The following STARD6 variants were observed in gnomAD, a reference collection of about 807,000 sequenced individuals.
The protein encoded by STARD6 is StAR related lipid transfer domain containing 6.
Under a neutral mutation model 22.3 loss-of-function variants are expected in STARD6, and 21 were observed. That is an observed-to-expected ratio of 0.94 (90% confidence interval 0.67 to 1.35). STARD6 has a LOEUF of 1.35. Among genes scored for constraint, STARD6 ranks in the 40% most tolerant of loss-of-function variants. The pLI is 0.00. For missense variants in STARD6, 269 were observed against 266.9 expected, an observed-to-expected ratio of 1.01 and a Z score of -0.05; for synonymous variants, 80 against 88.1, an observed-to-expected ratio of 0.91 and a Z score of 0.52.
chr18:54,344,187 AAAG>A (rs1599306626), intron 4 of STARD6, among the ~76,000 whole-genome samples: 1 of 32,554 alleles, frequency 3.1e-5, no homozygotes, highest in East Asian at 6.4e-4. Context: ...GTCTGTGTAG[AAAG>A]AAGTAGACAT....
chr18:54,332,878 C>A (rs568212802), intron 5 of STARD6, among the ~76,000 whole-genome samples: 3 of 152,028 alleles, frequency 2.0e-5, no homozygotes, highest in Admixed American at 6.5e-5. Flanking sequence ...GCACTCTAGC[C>A]TGGGCAAGAG....
chr18:54,339,069 A>C (rs1032154996), intron 4 of STARD6, among the ~76,000 whole-genome samples: 4 of 148,046 alleles, frequency 2.7e-5, no homozygotes, highest in African/African-American at 9.9e-5. Context: ...AAAAAAAAAA[A>C]AAAAAAAAAA....
chr18:54,348,624 T>G (rs182195993), intron 4 of STARD6, among the ~76,000 whole-genome samples: 1 of 152,184 alleles, frequency 6.6e-6, no homozygotes, highest in African/African-American at 2.4e-5. Flanking sequence ...GTGGGAAATA[T>G]GAGAAATATA....
chr18:54,351,740 T>A (rs935020466), intron 4 of STARD6, among the ~76,000 whole-genome samples: 1 of 152,154 alleles, frequency 6.6e-6, no homozygotes, highest in African/African-American at 2.4e-5. Context: ...ATGTGATCTA[T>A]CACATTTATT....
intron 4 of STARD6, among the ~76,000 whole-genome samples, chr18:54,349,136 A>G (rs919090800): frequency 5.9e-5 from 9 of 152,148 alleles, no homozygotes; most frequent in African/African-American, 9.7e-5. Flanking sequence ...TAAGAAAACA[A>G]AGAAGATAAA....
chr18:54,341,254 T>A (rs1050737317), intron 4 of STARD6, among the ~76,000 whole-genome samples: 1 of 152,098 alleles, frequency 6.6e-6, no homozygotes. Context: ...AGAGACGGGG[T>A]TTCACCGTGT....
intron 2 of STARD6, among the ~76,000 whole-genome samples, chr18:54,355,556 G>C (rs962396784): frequency 2.0e-5 from 3 of 152,152 alleles, no homozygotes; most frequent in African/African-American, 7.2e-5. Context: ...GACACTGCCA[G>C]AAGTTAGCAG....
chr18:54,357,379 G>A lies in STARD6; in HGVS notation c.-89+413C>T, dbSNP rs565521590. On this transcript the variant is annotated intron_variant, in intron 1 of 7. Transcript: ENST00000307844. The stretch of plus-strand genomic sequence containing the variant: ...TTAAATCCCATCCCTGGCTAAACTC[G>A]GGTCTCCAATCTCCCATCTGCTTTG... Among the ~76,000 whole-genome samples, 62 of 152,228 alleles carry A rather than the reference G, an allele frequency of 4.1e-4. No individual in the cohort carries two copies. In the South Asian group the frequency reaches 5.0e-3, roughly 12 times the overall value.
Position 54,324,709 on chromosome 18 carries a change from G to T in STARD6, c.646C>A (p.His216Asn), listed in dbSNP as rs1171365359. 4 of 1,613,096 alleles carry T rather than the reference G, an allele frequency of 2.5e-6. No individual in the cohort carries two copies. Among genetic ancestry groups the T allele is most frequent in the Non-Finnish European group, 3.4e-6 (4 of 1,179,584 alleles). ...TTTTGGTATCATGAATGACTATTAT[G>T]ATGAAATCCACGTCTTGATGGAGTT... ...HRTPSRRGFH[H>N]NSHS Residue 216 changes from histidine (H) to asparagine (N), a missense_variant, in exon 8 of 8, where the codon CAT (histidine) becomes AAT (asparagine). By Grantham distance (68) the His-to-Asn change is moderately conservative (BLOSUM62 1). Transcript: ENST00000307844.
chr18:54,341,056 ATTTTCTT>A (rs1348917811), intron 4 of STARD6, among the ~76,000 whole-genome samples: 1 of 152,090 alleles, frequency 6.6e-6, no homozygotes, highest in East Asian at 1.9e-4. Context: ...TCAATAGGTC[ATTTTCTT>A]TTTTCTTTTT....
At chr18:54,355,413 A>G (rs574363818) in intron 2 of STARD6, among the ~76,000 whole-genome samples, 145 of 152,272 alleles carry the variant, frequency 9.5e-4, no homozygotes, top group African/African-American at 3.3e-3. Context: ...CCTAAAATTC[A>G]TATGTTGAAA....
chr18:54,329,910 G>A (rs907721777), intron 6 of STARD6, among the ~76,000 whole-genome samples: 2 of 151,498 alleles, frequency 1.3e-5, no homozygotes, highest in African/African-American at 2.4e-5. Flanking sequence ...AAAGTAGTTA[G>A]ATGGTCTGTC....
chr18:54,351,908 T>G (rs1217843670), intron 4 of STARD6, among the ~76,000 whole-genome samples: 2 of 149,502 alleles, frequency 1.3e-5, no homozygotes, highest in Non-Finnish European at 3.0e-5. Flanking sequence ...CGTTTTTTTT[T>G]TTTTTTTTTT....
chr18:54,356,217 C>G (rs2089142005), intron 2 of STARD6, 144 bp downstream of exon 2: 2 of 152,206 alleles, frequency 1.3e-5, no homozygotes, highest in South Asian at 2.1e-4. Context: ...ACTTAAAACT[C>G]TTCAGGTTGG....
intron 4 of STARD6, among the ~76,000 whole-genome samples, chr18:54,346,601 T>C (rs1305287138): frequency 6.6e-6 from 1 of 152,018 alleles, no homozygotes; most frequent in Non-Finnish European, 1.5e-5. Context: ...ACACAAAAAT[T>C]TGTACACAAA....
intron 5 of STARD6, among the ~76,000 whole-genome samples, chr18:54,332,427 A>G (rs925635438): frequency 1.3e-5 from 2 of 152,126 alleles, no homozygotes; most frequent in Non-Finnish European, 2.9e-5. Flanking sequence ...CACAGTTACT[A>G]TTTATCCCTG....
At chr18:54,327,643 A>G (rs1324016350) in intron 7 of STARD6, among the ~76,000 whole-genome samples, 1 of 152,178 alleles carries the variant, frequency 6.6e-6, no homozygotes, top group Non-Finnish European at 1.5e-5. Flanking sequence ...TGTACTTTTC[A>G]TCAACGTAAT....
intron 4 of STARD6, among the ~76,000 whole-genome samples, chr18:54,347,798 C>A (rs773019764): frequency 1.3e-5 from 2 of 152,002 alleles, no homozygotes; most frequent in Admixed American, 6.6e-5. Context: ...GTCACAGCAA[C>A]TTTATTAATT....
Position 54,354,588 on chromosome 18 carries a change from TA to T in STARD6, c.-4-12del. ...TTGAAGTCCATCTATCTGCAAGTTT[TA>T]AAAACAAACAACTGGTAAGAATATA... On this transcript the variant is annotated splice_polypyrimidine_tract_variant and intron_variant, in intron 2 of 7. Coordinates refer to ENST00000307844, the MANE Select transcript of STARD6 (RefSeq NM_139171.2). The T allele has an allele frequency of 6.3e-7, 1 of 1,595,010 alleles. No individual in the cohort carries two copies. Among genetic ancestry groups the T allele is most frequent in the Non-Finnish European group, 8.6e-7 (1 of 1,167,112 alleles).
Sources: allele counts gnomAD v4.1 joint callset (sites outside exome capture counted in the v4.1 genomes callset), GRCh38; gene constraint gnomAD v4.1.1; transcripts MANE v1.5; gene names NCBI Gene and HGNC (gene_info 2026-07-23, HGNC 2026-07-21).